Variants in AOAH observed in about 807,000 individuals in gnomAD.
The protein encoded by AOAH is acyloxyacyl hydrolase (neutrophil).
AOAH carries 64 observed loss-of-function variants against 92.2 expected under a neutral mutation model. The observed-to-expected ratio is 0.69, with a 90% CI of 0.57 to 0.86. AOAH has a LOEUF of 0.86. Ranked by LOEUF, AOAH falls within the 40% of genes least tolerant of loss-of-function variation. The pLI is 0.00. For missense variants in AOAH, 656 were observed against 694.6 expected (o/e 0.94, Z 0.62); for synonymous variants, 263 against 254.5 (o/e 1.03, Z -0.32).
intron 4 of AOAH, among the ~76,000 whole-genome samples, chr7:36,658,225 G>A (rs1795003520): frequency 6.6e-6 from 1 of 152,094 alleles, no homozygotes; most frequent in Non-Finnish European, 1.5e-5. Flanking sequence ...GAGACAGGCT[G>A]ATGTATTTAA....
At chr7:36,521,587 A>G (rs1256294387) in intron 20 of AOAH, among the ~76,000 whole-genome samples, 2 of 152,102 alleles carry the variant, frequency 1.3e-5, no homozygotes, top group Non-Finnish European at 2.9e-5. Flanking sequence ...TTCTCCTCCT[A>G]TACAGCACCC....
In AOAH at chr7:36,576,642, G is replaced by C; in HGVS notation, c.953C>G (p.Ser318Cys). Residue 318 changes from serine to cysteine, a missense_variant, in exon 13 of 21, where the codon TCT (serine) becomes TGT (cysteine). Coordinates refer to ENST00000617537, the MANE Select transcript of AOAH (RefSeq NM_001637.4). ...TCTTTTCCATAAGCGAAGGTAAATA[G>C]ATTTTTCTTTAATTCTGAAACAAAT... ...LDSTVGIKEKSIYLRLWKRNH... is the reference protein window; with the variant it reads ...LDSTVGIKEKCIYLRLWKRNH... 6.4e-7 allele frequency: 1 copy of C among 1,556,644 alleles called. No individual in the cohort carries two copies. The highest frequency in any genetic ancestry group is 8.8e-7 in the Non-Finnish European group (1 of 1,139,174).
chr7:36,618,260 C>T (rs770472632), intron 10 of AOAH, 37 bp downstream of exon 10: 3 of 1,578,436 alleles, frequency 1.9e-6, no homozygotes, highest in Non-Finnish European at 1.7e-6. Context: ...AAAAGAATAT[C>T]TATCATTATA....
chr7:36,590,928 G>A (rs1789694647), intron 12 of AOAH, among the ~76,000 whole-genome samples: 1 of 152,138 alleles, frequency 6.6e-6, no homozygotes, highest in Admixed American at 6.6e-5. Flanking sequence ...GATTGGCCTA[G>A]CACAAATTAT....
At chr7:36,631,490 A>G (rs1418899529) in intron 6 of AOAH, among the ~76,000 whole-genome samples, 1 of 152,098 alleles carries the variant, frequency 6.6e-6, no homozygotes, top group African/African-American at 2.4e-5. Flanking sequence ...ATAACCCCAG[A>G]CTCAAAGTGG....
chr7:36,517,107 G>C (rs1343499670), intron 20 of AOAH, among the ~76,000 whole-genome samples: 1 of 152,092 alleles, frequency 6.6e-6, no homozygotes, highest in Non-Finnish European at 1.5e-5. Flanking sequence ...TCCACGAGGC[G>C]CTGCACAGGG....
chr7:36,670,775 C>T (rs937740355), intron 3 of AOAH, among the ~76,000 whole-genome samples: 3 of 152,112 alleles, frequency 2.0e-5, no homozygotes, highest in Non-Finnish European at 4.4e-5. Flanking sequence ...GCGCCCGGCC[C>T]GCTGGTCCCA....
chr7:36,550,150 T>C (rs559545975), intron 13 of AOAH: 5 of 151,854 alleles, frequency 3.3e-5, no homozygotes, highest in African/African-American at 9.7e-5. Flanking sequence ...AGGTCAGGAG[T>C]TCGAGACCAG....
intron 11 of AOAH, among the ~76,000 whole-genome samples, chr7:36,597,196 T>C (rs565684051): frequency 6.6e-6 from 1 of 152,204 alleles, no homozygotes; most frequent in Admixed American, 6.5e-5. Flanking sequence ...AACAACCCCA[T>C]AGAAAGAAAG....
intron 6 of AOAH, among the ~76,000 whole-genome samples, chr7:36,625,544 C>A (rs1037676093): frequency 6.6e-6 from 1 of 152,302 alleles, no homozygotes; most frequent in East Asian, 1.9e-4. Flanking sequence ...TTCACCTCCC[C>A]CTTCCATTTG....
At chr7:36,626,498 C>T (rs4571630) in intron 6 of AOAH, among the ~76,000 whole-genome samples, 20,105 of 152,234 alleles carry the variant, frequency 0.13, 1,498 homozygotes, top group Middle Eastern at 0.18. Context: ...CTTGTGTAAT[C>T]TCCACAATCC....
At chr7:36,544,470 C>T (rs558725872) in intron 15 of AOAH, among the ~76,000 whole-genome samples, 38 of 152,194 alleles carry the variant, frequency 2.5e-4, no homozygotes, top group South Asian at 8.3e-4. Flanking sequence ...ATTTGTCTGC[C>T]GACTCCAGGG....
At chr7:36,635,283 G>C (rs1387361153) in intron 5 of AOAH, among the ~76,000 whole-genome samples, 2 of 152,086 alleles carry the variant, frequency 1.3e-5, no homozygotes, top group Non-Finnish European at 2.9e-5. Flanking sequence ...CAGCATCTTT[G>C]CTTTGCAATC....
chr7:36,555,499 T>A (rs1786636251), intron 13 of AOAH, among the ~76,000 whole-genome samples: 1 of 152,240 alleles, frequency 6.6e-6, no homozygotes, highest in Non-Finnish European at 1.5e-5. Flanking sequence ...GCTGGCCTCA[T>A]AAAATGAGTT....
At chr7:36,710,287 C>T (rs1798680508) in intron 1 of AOAH, among the ~76,000 whole-genome samples, 1 of 152,096 alleles carries the variant, frequency 6.6e-6, no homozygotes, top group South Asian at 2.1e-4. Flanking sequence ...TTCAGGGAAC[C>T]CTTTAAATGT....
intron 1 of AOAH, among the ~76,000 whole-genome samples, chr7:36,687,035 G>A (rs1797073034): frequency 6.6e-6 from 1 of 152,174 alleles, no homozygotes; most frequent in Non-Finnish European, 1.5e-5. Context: ...CCTTTCTGCA[G>A]TAGATGGCTG....
chr7:36,688,719 C>T (rs893424155), intron 1 of AOAH, among the ~76,000 whole-genome samples: 6 of 151,946 alleles, frequency 3.9e-5, no homozygotes, highest in Non-Finnish European at 7.4e-5. Flanking sequence ...GGAATGGGGT[C>T]TTACCATCTC....
chr7:36,690,184 A>T, intron 1 of AOAH: 2 of 451,768 alleles, frequency 4.4e-6, no homozygotes, highest in Non-Finnish European at 8.9e-6. Context: ...CTGCTGGCTA[A>T]AATTGGAAAA....
intron 2 of AOAH, among the ~76,000 whole-genome samples, chr7:36,682,031 G>A (rs1796677339): frequency 6.6e-6 from 1 of 152,240 alleles, no homozygotes. Flanking sequence ...CCAGATAGCT[G>A]ACAGGTGTTG....
Sources: gnomAD v4.1 joint callset for allele counts (sites outside exome capture counted in the v4.1 genomes callset) on GRCh38, gnomAD v4.1.1 for gene constraint, MANE v1.5 for transcripts, NCBI Gene and HGNC (gene_info 2026-07-23, HGNC 2026-07-21) for gene names.